MKRN1: variants seen among roughly 807,000 people sequenced by gnomAD.
MKRN1 encodes makorin ring finger protein 1.
MKRN1 carries 9 observed loss-of-function variants against 55.5 expected under a neutral mutation model. That is an observed-to-expected ratio of 0.16 (90% CI 0.10 to 0.28). MKRN1 has a LOEUF of 0.28. MKRN1 is among the 10% of genes least tolerant of loss of function. The pLI, the probability that MKRN1 is intolerant of heterozygous loss-of-function variation, is 1.00. For missense variants in MKRN1, 488 were observed against 626.7 expected (o/e 0.78, Z 2.36); for synonymous variants, 253 against 235.9 (o/e 1.07, Z -0.66).
intron 2 of MKRN1, among the ~76,000 whole-genome samples, chr7:140,466,404 C>A (rs1483370938): frequency 6.6e-6 from 1 of 152,172 alleles, no homozygotes; most frequent in African/African-American, 2.4e-5. Context: ...TAGGCTCACA[C>A]CTATGATCCC....
chr7:140,466,755 G>A (rs910347447), intron 2 of MKRN1, among the ~76,000 whole-genome samples: 8 of 144,844 alleles, frequency 5.5e-5, no homozygotes, highest in Non-Finnish European at 1.5e-5. Flanking sequence ...AGTAAGCCGA[G>A]ATTGCGCCAC....
At chr7:140,456,527 A>G (rs1001740089) in intron 5 of MKRN1, 125 bp downstream of exon 5, 2 of 1,470,940 alleles carry the variant, frequency 1.4e-6, no homozygotes, top group Non-Finnish European at 1.8e-6. Flanking sequence ...TCCCCATTAG[A>G]ATATCCCAGT....
chr7:140,455,371 A>C, intron 6 of MKRN1, 138 bp from the exon 7 acceptor site: 6 of 1,079,588 alleles, frequency 5.6e-6, no homozygotes, highest in Non-Finnish European at 7.9e-6. Context: ...TGTTCTTATA[A>C]ACATGTGTGT....
intron 2 of MKRN1, among the ~76,000 whole-genome samples, chr7:140,465,418 T>C (rs768938697): frequency 9.9e-5 from 15 of 151,154 alleles, no homozygotes; most frequent in Non-Finnish European, 2.1e-4. Context: ...GAGGTGGAGG[T>C]TGTGACATTG....
chr7:140,455,337 C>CA (rs1794437435), intron 6 of MKRN1, 104 bp from the exon 7 acceptor site: 1 of 1,386,160 alleles, frequency 7.2e-7, no homozygotes, highest in Non-Finnish European at 9.9e-7. Flanking sequence ...ACCAGTATGT[C>CA]AGCTTACAGC....
chr7:140,458,967 T>C (rs1262281840), intron 4 of MKRN1, 40 bp downstream of exon 4: 1 of 1,591,996 alleles, frequency 6.3e-7, no homozygotes, highest in Non-Finnish European at 8.6e-7. Context: ...AAATAATGAT[T>C]CTCACATCTA....
intron 1 of MKRN1, chr7:140,473,668 A>C (rs915988326): frequency 6.5e-6 from 1 of 154,774 alleles, no homozygotes; most frequent in East Asian, 1.9e-4. Flanking sequence ...TTTATCTCCA[A>C]CTATCTGTGC....
intron 1 of MKRN1, among the ~76,000 whole-genome samples, chr7:140,475,061 G>A (rs1795080573): frequency 6.6e-6 from 1 of 151,962 alleles, no homozygotes; most frequent in African/African-American, 2.4e-5. Context: ...AACTTTTGAG[G>A]CCAGGTACGG....
intron 4 of MKRN1, among the ~76,000 whole-genome samples, chr7:140,458,374 CTA>C (rs1794525988): frequency 6.6e-6 from 1 of 152,130 alleles, no homozygotes; most frequent in African/African-American, 2.4e-5. Flanking sequence ...CTTGAAAACA[CTA>C]TGTTAAGTGA....
Position 140,479,383 on chromosome 7 carries a change from G to A in MKRN1, c.-39C>T. 3.1e-6 allele frequency: 4 copies of A among 1,276,910 alleles called. No individual in the cohort carries two copies. The highest frequency in any genetic ancestry group is 6.3e-5 in the East Asian group (2 of 31,766). The allele number at this position is 1,276,910 out of a possible 1,614,324, so 79.1% of individuals were successfully genotyped here. ...ACACAGCAAAGGCCCCGGAACTTCC[G>A]GGATCACATAGTTCCGGTCCGGCTG... On this transcript the variant is annotated 5_prime_UTR_variant, in exon 1 of 8. Transcript: ENST00000255977.
At chr7:140,457,020 A>G in intron 4 of MKRN1, 154 bp from the exon 5 acceptor site, 1 of 740,894 alleles carries the variant, frequency 1.3e-6, no homozygotes, top group South Asian at 1.9e-5. Context: ...TGACAAGTAA[A>G]CACAGGTGTG....
At position 140,470,054 on chromosome 7, in the gene MKRN1, A is replaced by T. The variant is rs1049308649; in HGVS notation, c.314+1829T>A. 3.9e-4 allele frequency among the ~76,000 whole-genome samples: 54 copies of T among 138,160 alleles called. No individual in the cohort carries two copies. The Middle Eastern group carries it at 0.014, about 37-fold the overall frequency. The allele number at this position is 138,160 out of a possible 152,430, so 90.6% of individuals were successfully genotyped here. A position where few individuals can be genotyped will look rare whatever the true frequency, so the allele number is the denominator to read the frequency against. ...AGAGCTAGGCTCTGTCTCAAAAAAA[A>T]AAAAAAAAAAAAAAAAATTAGCCAG... On this transcript the variant is annotated intron_variant, in intron 2 of 7. Transcript: ENST00000255977.
intron 1 of MKRN1, among the ~76,000 whole-genome samples, chr7:140,473,988 G>T (rs1484744793): frequency 1.6e-5 from 1 of 63,180 alleles, no homozygotes. Context: ...GCGAAACTCC[G>T]TCTCAAAAAA....
chr7:140,466,920 G>A (rs1794789940), intron 2 of MKRN1, among the ~76,000 whole-genome samples: 1 of 150,850 alleles, frequency 6.6e-6, no homozygotes, highest in South Asian at 2.1e-4. Flanking sequence ...GGCAAGACCA[G>A]ATCTCAAAAC....
At chr7:140,467,951 G>A (rs1296494628) in intron 2 of MKRN1, among the ~76,000 whole-genome samples, 2 of 143,630 alleles carry the variant, frequency 1.4e-5, no homozygotes, top group East Asian at 2.0e-4. Context: ...GCGGTGAGCC[G>A]AGATCATGCC....
chr7:140,455,288 G>A, intron 6 of MKRN1, 55 bp from the exon 7 acceptor site: 1 of 1,605,462 alleles, frequency 6.2e-7, no homozygotes, highest in Non-Finnish European at 8.5e-7. Flanking sequence ...GTCTGTATTT[G>A]ACTATCATCC....
At chr7:140,468,473 G>A (rs1027118032) in intron 2 of MKRN1, among the ~76,000 whole-genome samples, 3 of 151,810 alleles carry the variant, frequency 2.0e-5, no homozygotes, top group Non-Finnish European at 2.9e-5. Context: ...GGCCGAGGCA[G>A]GTGGATCACC....
At chr7:140,470,941 G>A (rs1411011092) in intron 2 of MKRN1, among the ~76,000 whole-genome samples, 1 of 151,532 alleles carries the variant, frequency 6.6e-6, no homozygotes, top group Non-Finnish European at 1.5e-5. Context: ...AAATATCCTG[G>A]AGTCCCCATC....
Position 140,459,052 on chromosome 7 carries a change from C to T in MKRN1, c.726G>A (p.Gln242=). ...GGGCAGCATCCATTGGATGCAGGACCTGCAGCCCACACATGTCACAAGAAT... is the reference window on the plus strand; with the variant it reads ...GGGCAGCATCCATTGGATGCAGGACTTGCAGCCCACACATGTCACAAGAAT... ...HGDSCDMCGL[Q]VLHPMDAAQR... is the part of the protein sequence containing the mutation. Residue 242 remains glutamine (Q), a synonymous_variant, in exon 4 of 8, where the codon CAG becomes CAA. Transcript: ENST00000255977. 2 of 1,613,988 alleles carry T rather than the reference C, an allele frequency of 1.2e-6. No individual in the cohort carries two copies. Among genetic ancestry groups the T allele is most frequent in the South Asian group, 2.2e-5 (2 of 91,080 alleles).
Sources: allele counts gnomAD v4.1 joint callset (sites outside exome capture counted in the v4.1 genomes callset), GRCh38; gene constraint gnomAD v4.1.1; transcripts MANE v1.5; gene names NCBI Gene and HGNC (gene_info 2026-07-23, HGNC 2026-07-21).